The following PIEZO2 variants were observed in gnomAD, a reference collection of about 807,000 sequenced individuals.
PIEZO2 encodes the protein piezo-type mechanosensitive ion channel component 2.
Under a neutral mutation model 337.3 loss-of-function variants are expected in PIEZO2, and 172 were observed. The observed-to-expected ratio is 0.51, with a 90% confidence interval of 0.45 to 0.58. The LOEUF (loss-of-function observed/expected upper bound fraction) is 0.58. PIEZO2 is among the 20% of genes least tolerant of loss of function. PIEZO2 has a pLI of 0.00. For missense variants in PIEZO2, 3,028 were observed against 3,391.3 expected (o/e 0.89, Z 2.66); for synonymous variants, 1,251 against 1,228.5 (o/e 1.02, Z -0.38).
At position 11,109,441 on chromosome 18, in the gene PIEZO2, C is replaced by T. The variant is rs1382835374; in HGVS notation, c.64+39084G>A. 1.3e-5 allele frequency among the ~76,000 whole-genome samples: 2 copies of T among 152,050 alleles called. No homozygotes were observed. Among genetic ancestry groups the T allele is most frequent in the African/African-American group, 2.4e-5 (1 of 41,390 alleles). On this transcript the variant is annotated intron_variant, in intron 1 of 55. Coordinates refer to ENST00000674853, the MANE Select transcript of PIEZO2 (RefSeq NM_001378183.1). The surrounding 1 kb of genome is among the most constrained non-coding windows in gnomAD (Gnocchi z 5.1). ...AGTATGGAATTAGAAATAGGCCAGG[C>T]GCGGTGGCTCATGTCTGTAATCCCA...
At chr18:10,892,424 G>C (rs928469653) in intron 4 of PIEZO2, among the ~76,000 whole-genome samples, 1 of 152,146 alleles carries the variant, frequency 6.6e-6, no homozygotes, top group African/African-American at 2.4e-5. Flanking sequence ...ATCCAGAAAA[G>C]GTAAAGCCAG....
intron 2 of PIEZO2, among the ~76,000 whole-genome samples, chr18:11,054,707 AT>A (rs762363862): frequency 6.6e-6 from 1 of 152,212 alleles, no homozygotes; most frequent in African/African-American, 2.4e-5. Context: ...GCGAAAAAGA[AT>A]ATTTATTTTC....
chr18:11,141,684 C>G (rs1242348758), intron 1 of PIEZO2, among the ~76,000 whole-genome samples: 1 of 152,158 alleles, frequency 6.6e-6, no homozygotes, highest in Non-Finnish European at 1.5e-5. Flanking sequence ...TTCACTTGAC[C>G]TAGAACTCTT....
intron 27 of PIEZO2, among the ~76,000 whole-genome samples, chr18:10,754,036 AGTGTGTGTGCCT>A (rs2037746244): frequency 6.6e-6 from 1 of 152,074 alleles, no homozygotes; most frequent in Non-Finnish European, 1.5e-5. Context: ...TAGCATTTTG[AGTGTGTGTGCCT>A]GTGAGTGCAG....
At position 10,707,726 on chromosome 18, in the gene PIEZO2, C is replaced by T. The variant is rs182411211; in HGVS notation, c.5588+549G>A. ...TTATAGGCTACAAAGATGATGCATT[C>T]TGCTGCATAATATTCTTTTTAAAAA... On this transcript the variant is annotated intron_variant, in intron 40 of 55. Transcript: ENST00000674853. This position sits in a 1 kb window ranked among gnomAD's most constrained non-coding sequence, Gnocchi z 4.2. Among the ~76,000 whole-genome samples, 1 of 152,338 alleles carries T rather than the reference C, an allele frequency of 6.6e-6. No homozygotes were observed. Among genetic ancestry groups the T allele is most frequent in the Admixed American group, 6.5e-5 (1 of 15,306 alleles).
At chr18:11,022,296 GA>G (rs1203554334) in intron 2 of PIEZO2, among the ~76,000 whole-genome samples, 12 of 151,250 alleles carry the variant, frequency 7.9e-5, no homozygotes, top group Non-Finnish European at 1.5e-4. Flanking sequence ...CTTGTTCTGA[GA>G]AAAAAAAAGT....
intron 3 of PIEZO2, among the ~76,000 whole-genome samples, chr18:10,963,605 A>C (rs1001824047): frequency 2.0e-5 from 3 of 152,200 alleles, no homozygotes; most frequent in Admixed American, 2.0e-4. Context: ...TTTCCTACTG[A>C]CTTAATTCAT....
At chr18:10,782,366 A>AATTATAATATATTATAATTATATAT (rs2039041774) in intron 17 of PIEZO2, among the ~76,000 whole-genome samples, 2 of 34,984 alleles carry the variant, frequency 5.7e-5, no homozygotes, top group African/African-American at 3.4e-4. Context: ...ATTATATATA[A>AATTATAATATATTATAATTATATAT]ATAATTATAA....
chr18:10,920,966 T>G (rs992224769), intron 3 of PIEZO2, among the ~76,000 whole-genome samples: 1 of 152,084 alleles, frequency 6.6e-6, no homozygotes, highest in African/African-American at 2.4e-5. Context: ...GGCAGGAGAC[T>G]CGCTTGAACC....
rs1202711287 is a variant in PIEZO2, at chr18:10,895,250, A to G, written c.329+15936T>C. On this transcript the variant is annotated intron_variant, in intron 4 of 55. Coordinates refer to ENST00000674853, the MANE Select transcript of PIEZO2 (RefSeq NM_001378183.1). This position sits in a 1 kb window ranked among gnomAD's most constrained non-coding sequence, Gnocchi z 4.8. Reference sequence around the variant, plus strand: ...CACTTGAGGTCAGGAGATCGAGACCAGCCTGGCCAACATGGTGAAACCCCA... The same window carrying G: ...CACTTGAGGTCAGGAGATCGAGACCGGCCTGGCCAACATGGTGAAACCCCA... Among the ~76,000 whole-genome samples, 1 of 152,130 alleles carries G rather than the reference A, an allele frequency of 6.6e-6. No homozygotes were observed. Among genetic ancestry groups the G allele is most frequent in the Non-Finnish European group, 1.5e-5 (1 of 68,028 alleles).
At position 10,671,765 on chromosome 18, in the gene PIEZO2, T is replaced by C; in HGVS notation, c.8360A>G (p.Tyr2787Cys). The C allele has an allele frequency of 1.2e-6, 2 of 1,613,074 alleles. No individual in the cohort carries two copies. Among genetic ancestry groups the C allele is most frequent in the Non-Finnish European group, 1.7e-6 (2 of 1,179,410 alleles). Reference protein sequence around the residue: ...FLAGYGIMGLYASVVLVIGKF... With the variant: ...FLAGYGIMGLCASVVLVIGKF... ...CCCAATCACAAGGACAACTGAAGCA[T>C]ATAATCCCATAATACTGAAAAAAAC... is the stretch of plus-strand genomic sequence containing the variant. Residue 2787 changes from tyrosine to cysteine, a missense_variant, in exon 56 of 56, where the codon TAT becomes TGT. Tyr to Cys is a radical substitution (Grantham distance 194). This residue lies in a region of PIEZO2 where 332 missense variants were observed against 363.8 expected (regional missense o/e 0.91). Coordinates refer to ENST00000674853, the MANE Select transcript of PIEZO2 (RefSeq NM_001378183.1).
rs2039407135 is a variant in PIEZO2 at position 11,101,060 on chromosome 18, G to T, written c.65-34838C>A. Among the ~76,000 whole-genome samples, 1 of 152,170 alleles carries T rather than the reference G, an allele frequency of 6.6e-6. No individual in the cohort carries two copies. The highest frequency in any genetic ancestry group is 2.1e-4 in the South Asian group (1 of 4,822). The stretch of plus-strand genomic sequence containing the variant: ...GAGATGCAGCTTCAGAGAGTTTAAT[G>T]GGCATGGCATCCCCAGGGGACAGAT... On this transcript the variant is annotated intron_variant, in intron 1 of 55. Transcript: ENST00000674853. The surrounding 1 kb of genome is among the most constrained non-coding windows in gnomAD (Gnocchi z 4.4).
At chr18:10,913,162 A>T (rs912423117) in intron 3 of PIEZO2, among the ~76,000 whole-genome samples, 5 of 152,116 alleles carry the variant, frequency 3.3e-5, no homozygotes, top group African/African-American at 1.2e-4. Context: ...TATTTATGGG[A>T]ACAGTGTGAT....
rs920925340 is a variant in PIEZO2 at position 11,110,090 on chromosome 18, A to T, written c.64+38435T>A. On this transcript the variant is annotated intron_variant, in intron 1 of 55. Transcript: ENST00000674853. The surrounding 1 kb of genome is among the most constrained non-coding windows in gnomAD (Gnocchi z 4.2). ...ACTGCAATGCTCTCATTTTCCCAAGACTACAACTTGGGAAGTTTCAGCCTT... is the reference window on the plus strand; with the variant it reads ...ACTGCAATGCTCTCATTTTCCCAAGTCTACAACTTGGGAAGTTTCAGCCTT... Among the ~76,000 whole-genome samples, 1 of 152,124 alleles carries T rather than the reference A, an allele frequency of 6.6e-6. No homozygotes were observed.
rs573348558 is a variant in PIEZO2 at position 10,688,817 on chromosome 18, T to A, written c.7497+838A>T. On this transcript the variant is annotated intron_variant, in intron 49 of 55. Coordinates refer to ENST00000674853, the MANE Select transcript of PIEZO2 (RefSeq NM_001378183.1). ...GGCACCCTAGTTGCTACCCTCAATG[T>A]TCCTTCGATAGAGAGGCTCTCATAT... Among the ~76,000 whole-genome samples the A allele has an allele frequency of 1.2e-4, 18 of 152,286 alleles. No homozygotes were observed. In the South Asian group the frequency reaches 3.7e-3, roughly 32 times the overall value.
At chr18:10,803,817 C>G (rs547886448) in intron 9 of PIEZO2, 58 bp downstream of exon 9, 1 of 1,526,950 alleles carries the variant, frequency 6.5e-7, no homozygotes, top group Admixed American at 2.0e-5. Flanking sequence ...TCATATTCAA[C>G]AGTAAAATAC....
chr18:10,731,287 G>A (rs758561304), intron 36 of PIEZO2, 120 bp downstream of exon 36: 1 of 526,730 alleles, frequency 1.9e-6, no homozygotes. Flanking sequence ...TAAAACTGTT[G>A]GCATTCTTTA....
At chr18:10,747,988 CT>C (rs199704132) in intron 30 of PIEZO2, among the ~76,000 whole-genome samples, 3 of 151,932 alleles carry the variant, frequency 2.0e-5, no homozygotes, top group African/African-American at 7.3e-5. Context: ...TCTCCCCAGT[CT>C]TTTTTCCTAA....
intron 1 of PIEZO2, among the ~76,000 whole-genome samples, chr18:11,123,993 G>A (rs1204979833): frequency 1.3e-5 from 2 of 152,130 alleles, no homozygotes; most frequent in Admixed American, 6.6e-5. Context: ...GCCCTTCAAC[G>A]ATGTATACTT....
Sources: allele counts gnomAD v4.1 joint callset (sites outside exome capture counted in the v4.1 genomes callset), GRCh38; gene constraint gnomAD v4.1.1; regional missense constraint gnomAD v4.1.1; non-coding constraint Gnocchi (gnomAD v3.1); transcripts MANE v1.5; gene names NCBI Gene and HGNC (gene_info 2026-07-23, HGNC 2026-07-21).